The following OTOG variants were observed in gnomAD, a reference collection of about 807,000 sequenced individuals.
The protein encoded by OTOG is otogelin.
OTOG carries 296 observed loss-of-function variants against 313.8 expected under a neutral mutation model. The observed-to-expected ratio is 0.94, with a 90% CI of 0.86 to 1.04. OTOG has a LOEUF of 1.04. OTOG is among the 50% of genes least tolerant of loss of function. The probability of loss-of-function intolerance (pLI) is 0.00; values close to 1 mark genes in which losing one functional copy is unlikely to be tolerated. For missense variants in OTOG, 3,948 were observed against 3,840.1 expected, an observed-to-expected ratio of 1.03 and a Z score of -0.74; for synonymous variants, 1,533 against 1,554.9, an observed-to-expected ratio of 0.99 and a Z score of 0.33.
chr11:17,584,032 T>A (rs1852735769), intron 23 of OTOG, among the ~76,000 whole-genome samples: 1 of 152,238 alleles, frequency 6.6e-6, no homozygotes, highest in African/African-American at 2.4e-5. Flanking sequence ...ACATTTTTCA[T>A]TGAATTTTTC....
At chr11:17,613,259 CTTTCT>C (rs1565119019) in intron 38 of OTOG, among the ~76,000 whole-genome samples, 1 of 130,350 alleles carries the variant, frequency 7.7e-6, no homozygotes, top group Non-Finnish European at 1.6e-5. Flanking sequence ...TTCTTTCTTT[CTTTCT>C]TTCTCTCTCT....
At chr11:17,603,057 C>T (rs1853293543) in intron 32 of OTOG, among the ~76,000 whole-genome samples, 1 of 152,106 alleles carries the variant, frequency 6.6e-6, no homozygotes, top group Non-Finnish European at 1.5e-5. Context: ...ATCCTGAGGG[C>T]AATGGGGAGC....
intron 39 of OTOG, among the ~76,000 whole-genome samples, chr11:17,627,267 C>T (rs1565124471): frequency 6.6e-6 from 1 of 151,902 alleles, no homozygotes; most frequent in African/African-American, 2.4e-5. Flanking sequence ...TCATATATGG[C>T]TTCTATTACT....
In OTOG at chr11:17,552,240, G is replaced by T. The variant is rs7929777; in HGVS notation, c.292+165G>T. On this transcript the variant is annotated intron_variant, in intron 4 of 55. Coordinates refer to ENST00000399397, the MANE Select transcript of OTOG (RefSeq NM_001292063.2). The stretch of plus-strand genomic sequence containing the variant: ...CTGGCCCCGGCCACCATGCCATTTG[G>T]CATTCTCCTCCCTGCCTGAGGAGAG... 7.5e-3 allele frequency among the ~76,000 whole-genome samples: 1,137 copies of T among 152,214 alleles called. 17 individuals carry two copies. Among genetic ancestry groups the T allele is most frequent in the African/African-American group, 0.026 (1,073 of 41,524 alleles).
At chr11:17,606,792 T>C (rs77381161) in intron 33 of OTOG, among the ~76,000 whole-genome samples, 2,577 of 152,344 alleles carry the variant, frequency 0.017, 65 homozygotes, top group African/African-American at 0.054. Flanking sequence ...TATGTAAATG[T>C]GTCTTCAGCC....
chr11:17,598,064 C>A (rs1853156561), intron 30 of OTOG, among the ~76,000 whole-genome samples: 1 of 152,216 alleles, frequency 6.6e-6, no homozygotes, highest in African/African-American at 2.4e-5. Flanking sequence ...CTGAGGCCTG[C>A]AGGCAAGACG....
At chr11:17,593,514 G>C (rs905214770) in intron 26 of OTOG, 96 bp from the exon 27 acceptor site, 8 of 1,485,696 alleles carry the variant, frequency 5.4e-6, no homozygotes, top group African/African-American at 1.4e-5. Context: ...GGGTATGAGG[G>C]AGGCAGAGGC....
At position 17,638,593 on chromosome 11, in the gene OTOG, G is replaced by A. The variant is rs1012580800; in HGVS notation, c.7894+44G>A. The A allele has an allele frequency of 7.8e-6, 12 of 1,532,600 alleles. No homozygotes were observed. The African/African-American group carries it at 8.3e-5, about 11-fold the overall frequency. The allele number at this position is 1,532,600 out of a possible 1,614,324, so 94.9% of individuals were successfully genotyped here. ...CAGCCTCCCCGCTGGGAGATCCAGT[G>A]GCCCTGCTGAGGAGGGATTGAGGGA... On this transcript the variant is annotated intron_variant, in intron 48 of 55. Coordinates refer to ENST00000399397, the MANE Select transcript of OTOG (RefSeq NM_001292063.2).
chr11:17,583,489 T>C (rs975840768), intron 23 of OTOG, among the ~76,000 whole-genome samples: 3 of 148,962 alleles, frequency 2.0e-5, no homozygotes, highest in Non-Finnish European at 4.6e-5. Flanking sequence ...ATTTTACACA[T>C]GTTTCAAAAT....
intron 12 of OTOG, among the ~76,000 whole-genome samples, chr11:17,560,316 C>G (rs1203457316): frequency 6.6e-6 from 1 of 152,176 alleles, no homozygotes; most frequent in Non-Finnish European, 1.5e-5. Flanking sequence ...GTGGTGAAAG[C>G]CAGCTCAGGG....
At chr11:17,587,346 A>G (rs1178930136) in intron 24 of OTOG, among the ~76,000 whole-genome samples, 1 of 152,162 alleles carries the variant, frequency 6.6e-6, no homozygotes, top group Non-Finnish European at 1.5e-5. Context: ...TTTCTGATAG[A>G]GAGAATGCTG....
chr11:17,561,932 TG>T, intron 15 of OTOG, 125 bp downstream of exon 15: 1 of 1,203,662 alleles, frequency 8.3e-7, no homozygotes. Flanking sequence ...CTCTTCTCTC[TG>T]GGGAGAAGAC....
intron 10 of OTOG, 30 bp downstream of exon 10, chr11:17,558,674 A>T (rs2134006503): frequency 6.5e-7 from 1 of 1,538,800 alleles, no homozygotes; most frequent in African/African-American, 1.4e-5. Flanking sequence ...GCTATGGGGA[A>T]CCCTCTAGTA....
Position 17,605,798 on chromosome 11 carries a change from G to C in OTOG, c.3878-59G>C, listed in dbSNP as rs1266359763. 10 of 1,478,146 alleles carry C rather than the reference G, an allele frequency of 6.8e-6. No individual in the cohort carries two copies. In the African/African-American group the frequency reaches 8.4e-5, roughly 12 times the overall value. 91.6% of individuals were successfully genotyped at this position (1,478,146 alleles called of 1,614,324 possible). A position where few individuals can be genotyped will look rare whatever the true frequency, so the allele number is the denominator to read the frequency against. ...GAGAGCAGATGTGTGCCAGGATGCT[G>C]TTCCCGCAGCCACCTGGACCTCTGC... On this transcript the variant is annotated intron_variant, in intron 32 of 55. Transcript: ENST00000399397.
rs943854385 is a variant in OTOG, at chr11:17,631,694, C to T, written c.6713-8C>T. 4.5e-6 allele frequency: 7 copies of T among 1,548,132 alleles called. No homozygotes were observed. The highest frequency in any genetic ancestry group is 1.7e-4 in the Middle Eastern group (1 of 5,984). On this transcript the variant is annotated splice_region_variant and splice_polypyrimidine_tract_variant and intron_variant, in intron 40 of 55. Coordinates refer to ENST00000399397, the MANE Select transcript of OTOG (RefSeq NM_001292063.2). ...TCGTGGCTGTTGGGATTGTTTGGCC[C>T]CTTTCAGGTATCTGTGATGGAGATG...
At chr11:17,620,416 A>G (rs1327922378) in intron 39 of OTOG, among the ~76,000 whole-genome samples, 1 of 152,214 alleles carries the variant, frequency 6.6e-6, no homozygotes, top group Non-Finnish European at 1.5e-5. Flanking sequence ...GCATGTATCA[A>G]TGCTTCATTT....
chr11:17,608,493 A>T, intron 34 of OTOG, 80 bp downstream of exon 34: 6 of 949,002 alleles, frequency 6.3e-6, no homozygotes, highest in Non-Finnish European at 9.0e-6. Flanking sequence ...CTTGTGTATG[A>T]GTGTTTCATA....
rs1248818425 is a variant in OTOG at position 17,599,680 on chromosome 11, G to A, written c.3692G>A (p.Cys1231Tyr). 2.6e-6 allele frequency: 4 copies of A among 1,550,718 alleles called. No homozygotes were observed. The highest frequency in any genetic ancestry group is 3.5e-6 in the Non-Finnish European group (4 of 1,147,018). The change falls in exon 31 of 56, where the codon TGT (cysteine) becomes TAT (tyrosine). Residue 1231 changes from cysteine (C) to tyrosine (Y), a missense_variant. Physicochemically the swap from Cys to Tyr is radical, Grantham distance 194. Coordinates refer to ENST00000399397, the MANE Select transcript of OTOG (RefSeq NM_001292063.2). ...WRTPRLCPYD[C>Y]DFFNKVLGKG... ...GTTCTCTCTCTTTCAGCGTATGACT[G>A]TGACTTCTTTAACAAAGGTAAGCCC...
intron 38 of OTOG, among the ~76,000 whole-genome samples, chr11:17,613,217 T>TTC (rs1491516083): frequency 7.7e-6 from 1 of 130,176 alleles, no homozygotes; most frequent in Admixed American, 7.6e-5. Context: ...CTTTCTTTCT[T>TTC]TCTTTCTTTC....
Sources: gnomAD v4.1 joint callset for allele counts (sites outside exome capture counted in the v4.1 genomes callset) on GRCh38, gnomAD v4.1.1 for gene constraint, MANE v1.5 for transcripts, NCBI Gene and HGNC (gene_info 2026-07-23, HGNC 2026-07-21) for gene names.